MAGI1: variants seen among roughly 807,000 people sequenced by gnomAD.
The protein encoded by MAGI1 is membrane associated guanylate kinase, WW and PDZ domain containing 1.
Under a neutral mutation model 139.9 loss-of-function variants are expected in MAGI1, and 58 were observed. That is an observed-to-expected ratio of 0.41 (90% CI 0.34 to 0.52). The LOEUF (loss-of-function observed/expected upper bound fraction) is 0.52, where lower values mean the gene tolerates loss of function less well. Among genes scored for constraint, MAGI1 ranks in the 20% least tolerant of loss-of-function variants. The probability of loss-of-function intolerance (pLI) is 0.12; values close to 1 mark genes in which losing one functional copy is unlikely to be tolerated. For missense variants in MAGI1, 1,874 were observed against 1,901.6 expected (o/e 0.99, Z 0.27); for synonymous variants, 812 against 737.9 (o/e 1.10, Z -1.63).
intron 1 of MAGI1, among the ~76,000 whole-genome samples, chr3:65,718,814 G>A (rs1301585866): frequency 1.3e-5 from 2 of 152,022 alleles, no homozygotes; most frequent in Admixed American, 1.3e-4. Flanking sequence ...CCCAAGGCAG[G>A]TATCATGAGG....
chr3:65,662,966 G>A (rs1176295863), intron 1 of MAGI1, among the ~76,000 whole-genome samples: 1 of 152,094 alleles, frequency 6.6e-6, no homozygotes, highest in Admixed American at 6.5e-5. Flanking sequence ...TCAGTTGTGA[G>A]CAGGGCATGG....
intron 10 of MAGI1, 118 bp downstream of exon 10, chr3:65,437,037 G>C (rs555570344): frequency 9.6e-4 from 528 of 548,074 alleles, no homozygotes; most frequent in Non-Finnish European, 1.4e-3. Context: ...CATTATTTAT[G>C]GTTTTCACTA....
At chr3:65,997,371 T>C (rs548673583) in intron 1 of MAGI1, among the ~76,000 whole-genome samples, 1 of 152,224 alleles carries the variant, frequency 6.6e-6, no homozygotes, top group African/African-American at 2.4e-5. Context: ...GTAAAAATAA[T>C]ATCAGCCAGG....
chr3:65,543,180 A>G (rs914340823), intron 2 of MAGI1, among the ~76,000 whole-genome samples: 3 of 152,262 alleles, frequency 2.0e-5, no homozygotes, highest in African/African-American at 7.2e-5. Context: ...CATTAGAGAA[A>G]TGCAAAGCAC....
chr3:65,740,247 G>A (rs2035144380), intron 1 of MAGI1, among the ~76,000 whole-genome samples: 1 of 152,180 alleles, frequency 6.6e-6, no homozygotes, highest in African/African-American at 2.4e-5. Context: ...TTACTGGACT[G>A]ATAATGATGC....
chr3:65,958,897 G>T (rs1399205968), intron 1 of MAGI1, among the ~76,000 whole-genome samples: 1 of 151,896 alleles, frequency 6.6e-6, no homozygotes, highest in African/African-American at 2.4e-5. Flanking sequence ...TGAGGCACGA[G>T]AATCGTTTGA....
At chr3:65,890,870 G>T (rs1171553858) in intron 1 of MAGI1, among the ~76,000 whole-genome samples, 1 of 152,070 alleles carries the variant, frequency 6.6e-6, no homozygotes, top group Admixed American at 6.6e-5. Context: ...CATTAACTTG[G>T]AAAGAAAAAC....
At chr3:65,598,002 G>C (rs372422832) in intron 2 of MAGI1, 1 of 437,856 alleles carries the variant, frequency 2.3e-6, no homozygotes, top group Non-Finnish European at 4.6e-6. Context: ...GCGGTTTTTC[G>C]AGGGAAGAGG....
intron 7 of MAGI1, among the ~76,000 whole-genome samples, chr3:65,444,565 T>C (rs1196277947): frequency 6.6e-6 from 1 of 152,154 alleles, no homozygotes; most frequent in African/African-American, 2.4e-5. Flanking sequence ...TACTCAGTTA[T>C]TAATTTGACA....
chr3:65,592,140 G>C (rs1442473234), intron 2 of MAGI1, among the ~76,000 whole-genome samples: 1 of 152,158 alleles, frequency 6.6e-6, no homozygotes, highest in Non-Finnish European at 1.5e-5. Context: ...CATAAAGATT[G>C]TTAAATAAAT....
At chr3:65,557,601 T>C (rs558688347) in intron 2 of MAGI1, among the ~76,000 whole-genome samples, 1 of 152,356 alleles carries the variant, frequency 6.6e-6, no homozygotes, top group African/African-American at 2.4e-5. Flanking sequence ...CTTGGTTAGA[T>C]GCCTCTGTCA....
intron 1 of MAGI1, among the ~76,000 whole-genome samples, chr3:65,661,235 G>A (rs1446040608): frequency 6.6e-6 from 1 of 152,078 alleles, no homozygotes; most frequent in Non-Finnish European, 1.5e-5. Context: ...TAGAACTAGT[G>A]GGGAGAAAAG....
At chr3:65,460,139 A>G (rs1014956394) in intron 5 of MAGI1, among the ~76,000 whole-genome samples, 1 of 152,210 alleles carries the variant, frequency 6.6e-6, no homozygotes, top group Non-Finnish European at 1.5e-5. Flanking sequence ...CTTTTTCTGC[A>G]TCGATTCATA....
chr3:65,831,907 A>G (rs2042550755), intron 1 of MAGI1, among the ~76,000 whole-genome samples: 1 of 152,226 alleles, frequency 6.6e-6, no homozygotes, highest in Non-Finnish European at 1.5e-5. Flanking sequence ...CAAAGTTGCA[A>G]TTCACATACT....
intron 1 of MAGI1, 127 bp from the exon 2 acceptor site, chr3:65,622,215 G>A: frequency 1.4e-6 from 1 of 724,288 alleles, no homozygotes; most frequent in East Asian, 2.5e-5. Context: ...GTCATTAGGA[G>A]GATGTACTTT....
chr3:65,443,597 T>C (rs1176203326), intron 7 of MAGI1, among the ~76,000 whole-genome samples: 2 of 152,306 alleles, frequency 1.3e-5, no homozygotes, highest in African/African-American at 2.4e-5. Flanking sequence ...AAACAGGTAA[T>C]AGTTCTGTCT....
At chr3:65,760,762 C>T (rs2036959069) in intron 1 of MAGI1, among the ~76,000 whole-genome samples, 1 of 152,036 alleles carries the variant, frequency 6.6e-6, no homozygotes, top group African/African-American at 2.4e-5. Flanking sequence ...CCCTAGCTAC[C>T]ACACAACACT....
At chr3:65,502,283 CCTAAGG>C (rs1381541073) in intron 2 of MAGI1, among the ~76,000 whole-genome samples, 1 of 152,162 alleles carries the variant, frequency 6.6e-6, no homozygotes, top group Non-Finnish European at 1.5e-5. Flanking sequence ...TTATCTGTAG[CCTAAGG>C]CTCTGAGCCC....
chr3:65,405,148 T>C (rs1325019745), intron 12 of MAGI1, among the ~76,000 whole-genome samples: 2 of 152,168 alleles, frequency 1.3e-5, no homozygotes, highest in African/African-American at 2.4e-5. Context: ...AAGTGTATGT[T>C]CAAAGTGTGA....
Sources: gnomAD v4.1 joint callset for allele counts (sites outside exome capture counted in the v4.1 genomes callset) on GRCh38, gnomAD v4.1.1 for gene constraint, MANE v1.5 for transcripts, NCBI Gene and HGNC (gene_info 2026-07-23, HGNC 2026-07-21) for gene names.